The following VTCN1 variants were observed in gnomAD, a reference collection of about 807,000 sequenced individuals.
The protein encoded by VTCN1 is V-set domain-containing T-cell activation inhibitor 1.
Under a neutral mutation model 26.5 loss-of-function variants are expected in VTCN1, and 26 were observed. The ratio of observed to expected loss-of-function variants is 0.98; its 90% CI spans 0.72 to 1.36. The LOEUF is 1.36. Ranked by LOEUF, VTCN1 falls within the 40% of genes most tolerant of loss-of-function variation. The pLI, the probability that VTCN1 is intolerant of heterozygous loss-of-function variation, is 0.00. For missense variants in VTCN1, 298 were observed against 337.7 expected, an observed-to-expected ratio of 0.88 and a Z score of 0.92; for synonymous variants, 116 against 130.7, an observed-to-expected ratio of 0.89 and a Z score of 0.77.
In VTCN1 at chr1:117,156,794, A is replaced by G. The variant is rs1652097991; in HGVS notation, c.225T>C (p.Gly75=). 6.2e-7 allele frequency: 1 copy of G among 1,613,976 alleles called. No homozygotes were observed. Among genetic ancestry groups the G allele is most frequent in the African/African-American group, 1.3e-5 (1 of 74,884 alleles). Reference sequence around the variant, plus strand: ...TGAACTCATGGACCAAGCCTAAAACACCTTCCTTCAGCCATTGTATCACGA... The same window carrying G: ...TGAACTCATGGACCAAGCCTAAAACGCCTTCCTTCAGCCATTGTATCACGA... ...SDIVIQWLKE[G]VLGLVHEFKE... The change falls in exon 3 of 6, where the codon GGT becomes GGC. Residue 75 remains glycine, a synonymous_variant. Transcript: ENST00000369458.
chr1:117,210,585 T>C (rs569157630), intron 1 of VTCN1, among the ~76,000 whole-genome samples: 10 of 152,314 alleles, frequency 6.6e-5, no homozygotes, highest in Admixed American at 2.6e-4. Flanking sequence ...CAGCCCTCCA[T>C]GGCAGGCCAC....
rs1651896588 is a variant in VTCN1, at chr1:117,153,294, A to C, written c.521T>G (p.Phe174Cys). ...TGCCCAGACCACTGTGGGCTGGGGG[A>C]ACCATCGGGGAGCCTCACACCGCAA... ...ETLRCEAPRWFPQPTVVWASQ... is the reference protein window; with the variant it reads ...ETLRCEAPRWCPQPTVVWASQ... The change falls in exon 4 of 6, where the codon TTC becomes TGC. Residue 174 changes from phenylalanine (F) to cysteine (C), a missense_variant. Physicochemically the swap from Phe to Cys is radical, Grantham distance 205. Coordinates refer to ENST00000369458, the MANE Select transcript of VTCN1 (RefSeq NM_024626.4). 4.3e-6 allele frequency: 7 copies of C among 1,613,886 alleles called. No individual in the cohort carries two copies. The highest frequency in any genetic ancestry group is 5.1e-6 in the Non-Finnish European group (6 of 1,179,938).
intron 1 of VTCN1, among the ~76,000 whole-genome samples, chr1:117,206,130 G>A (rs1649063642): frequency 7.1e-6 from 1 of 141,404 alleles, no homozygotes; most frequent in Non-Finnish European, 1.5e-5. Flanking sequence ...AAAAGGTGTG[G>A]TGGACTTTAT....
intron 1 of VTCN1, chr1:117,203,873 G>C (rs1311479676): frequency 1.3e-6 from 1 of 780,422 alleles, no homozygotes; most frequent in Non-Finnish European, 1.6e-6. Flanking sequence ...TTGCAGGATG[G>C]GGGGAATGAA....
chr1:117,210,787 C>G (rs754560624), intron 1 of VTCN1, 37 bp downstream of exon 1: 1 of 1,611,900 alleles, frequency 6.2e-7, no homozygotes, highest in Non-Finnish European at 8.5e-7. Context: ...CTGCTGTTCC[C>G]TTCACCCATA....
At chr1:117,187,904 C>A (rs1648029226) in intron 1 of VTCN1, among the ~76,000 whole-genome samples, 1 of 151,992 alleles carries the variant, frequency 6.6e-6, no homozygotes, top group African/African-American at 2.4e-5. Context: ...AAGGGGGGAT[C>A]TTTGACAATC....
chr1:117,202,789 G>A (rs1648850851), intron 1 of VTCN1, among the ~76,000 whole-genome samples: 1 of 152,158 alleles, frequency 6.6e-6, no homozygotes, highest in African/African-American at 2.4e-5. Context: ...GCCTGTGCTT[G>A]AAACCTCTAC....
In VTCN1 at chr1:117,157,102, T is replaced by C. The variant is rs956674428; in HGVS notation, c.98-181A>G. On this transcript the variant is annotated intron_variant, in intron 2 of 5. Coordinates refer to ENST00000369458, the MANE Select transcript of VTCN1 (RefSeq NM_024626.4). ...GAAGACAATCATTTTGATATATATATATATATATATATAGCAGATCTGTCA... is the reference window on the plus strand; with the variant it reads ...GAAGACAATCATTTTGATATATATACATATATATATATAGCAGATCTGTCA... The C allele has an allele frequency of 1.0e-5, 7 of 679,776 alleles. No individual in the cohort carries two copies. The East Asian group carries it at 1.2e-4, about 11-fold the overall frequency. The allele number at this position is 679,776 out of a possible 1,614,324, so 42.1% of individuals were successfully genotyped here.
At chr1:117,191,665 C>G (rs921317048) in intron 1 of VTCN1, among the ~76,000 whole-genome samples, 15 of 152,140 alleles carry the variant, frequency 9.9e-5, no homozygotes, top group Admixed American at 6.6e-5. Context: ...GCCTGTAATC[C>G]CAGCTACTCG....
chr1:117,154,467 A>C (rs911711266), intron 3 of VTCN1, among the ~76,000 whole-genome samples: 25 of 152,240 alleles, frequency 1.6e-4, no homozygotes, highest in Admixed American at 4.6e-4. Context: ...TCAACATCTT[A>C]ACCAATGTGC....
At chr1:117,149,558 T>C (rs961670224) in intron 4 of VTCN1, among the ~76,000 whole-genome samples, 2 of 152,190 alleles carry the variant, frequency 1.3e-5, no homozygotes, top group African/African-American at 4.8e-5. Flanking sequence ...CCATTTTTTT[T>C]CTTCTTCAAA....
Position 117,210,573 on chromosome 1 carries a change from G to A in VTCN1, c.32+251C>T, listed in dbSNP as rs550204843. 7.2e-5 allele frequency among the ~76,000 whole-genome samples: 11 copies of A among 152,244 alleles called. No homozygotes were observed. In the East Asian group the frequency reaches 7.7e-4, roughly 11 times the overall value. Reference sequence around the variant, plus strand: ...CCTCAGTCCAAGCTGCCCAGCAAGCGCCAGCCCTCCATGGCAGGCCACCAA... The same window carrying A: ...CCTCAGTCCAAGCTGCCCAGCAAGCACCAGCCCTCCATGGCAGGCCACCAA... On this transcript the variant is annotated intron_variant, in intron 1 of 5. Coordinates refer to ENST00000369458, the MANE Select transcript of VTCN1 (RefSeq NM_024626.4).
At position 117,153,054 on chromosome 1, in the gene VTCN1, C is replaced by A. The variant is rs1464432612; in HGVS notation, c.724+37G>T. 9 of 1,571,756 alleles carry A rather than the reference C, an allele frequency of 5.7e-6. No individual in the cohort carries two copies. The East Asian group carries it at 2.0e-4, about 35-fold the overall frequency. ...AATTTTAATTTAGATTTTACTCTTT[C>A]CCCAGTAAATCCATACAAAAGCATG... On this transcript the variant is annotated intron_variant, in intron 4 of 5. Transcript: ENST00000369458.
At chr1:117,188,443 A>C (rs1208672864) in intron 1 of VTCN1, among the ~76,000 whole-genome samples, 2 of 152,222 alleles carry the variant, frequency 1.3e-5, no homozygotes, top group African/African-American at 2.4e-5. Flanking sequence ...GGACTGAGGC[A>C]ATATCAGGCA....
intron 1 of VTCN1, among the ~76,000 whole-genome samples, chr1:117,186,422 G>A (rs747693385): frequency 2.6e-5 from 4 of 152,180 alleles, no homozygotes; most frequent in African/African-American, 4.8e-5. Context: ...GCATAAACCA[G>A]GCAAGGCCCT....
chr1:117,184,937 C>T (rs934091386), intron 1 of VTCN1, among the ~76,000 whole-genome samples: 9 of 152,288 alleles, frequency 5.9e-5, no homozygotes, highest in Non-Finnish European at 1.3e-4. Context: ...AATGCCCAGC[C>T]AGTTTTCCCT....
At chr1:117,150,677 A>G (rs1365662869) in intron 4 of VTCN1, among the ~76,000 whole-genome samples, 1 of 152,238 alleles carries the variant, frequency 6.6e-6, no homozygotes, top group Non-Finnish European at 1.5e-5. Flanking sequence ...ACAGTTCAGT[A>G]GTGTTAAGTA....
At chr1:117,210,747 A>T in intron 1 of VTCN1, 77 bp downstream of exon 1, 1 of 1,509,714 alleles carries the variant, frequency 6.6e-7, no homozygotes, top group Non-Finnish European at 9.2e-7. Flanking sequence ...GGGACAGCCC[A>T]GCAGTGCTCA....
At chr1:117,157,115 A>G in intron 2 of VTCN1, 194 bp from the exon 3 acceptor site, 1 of 603,796 alleles carries the variant, frequency 1.7e-6, no homozygotes, top group Non-Finnish European at 2.4e-6. Flanking sequence ...ATATATATAT[A>G]GCAGATCTGT....
Sources: gnomAD v4.1 joint callset for allele counts (sites outside exome capture counted in the v4.1 genomes callset) on GRCh38, gnomAD v4.1.1 for gene constraint, MANE v1.5 for transcripts, NCBI Gene and HGNC (gene_info 2026-07-23, HGNC 2026-07-21) for gene names.